CHL1: variants seen among roughly 807,000 people sequenced by gnomAD.
CHL1 encodes cell adhesion molecule L1 like, also known as neural cell adhesion molecule L1-like protein.
In CHL1, 96 loss-of-function variants were observed where a neutral mutation model predicts 141.9. The observed-to-expected ratio is 0.68, with a 90% CI of 0.57 to 0.80. The LOEUF (loss-of-function observed/expected upper bound fraction) is 0.80, where lower values mean the gene tolerates loss of function less well. CHL1 is among the 30% of genes least tolerant of loss of function. The pLI is 0.00. For missense variants in CHL1, 1,820 were observed against 1,457.2 expected (o/e 1.25, Z -4.05); for synonymous variants, 613 against 502.2 (o/e 1.22, Z -2.95).
At chr3:390,641 G>T (rs2125442698) in intron 20 of CHL1, 60 bp from the exon 21 acceptor site, 1 of 1,003,280 alleles carries the variant, frequency 1.0e-6, no homozygotes, top group South Asian at 1.4e-5. Flanking sequence ...TTTTTGAAAA[G>T]GATCCTAACA....
intron 9 of CHL1, among the ~76,000 whole-genome samples, chr3:348,601 G>C (rs1242292988): frequency 6.6e-6 from 1 of 152,152 alleles, no homozygotes; most frequent in African/African-American, 2.4e-5. Flanking sequence ...CCTTACTAAG[G>C]TGGGGAAAGT....
intron 1 of CHL1, among the ~76,000 whole-genome samples, chr3:200,412 T>G (rs1698810464): frequency 6.6e-6 from 1 of 152,186 alleles, no homozygotes; most frequent in Non-Finnish European, 1.5e-5. Context: ...CTGAGGTTGT[T>G]TTCAGTGATG....
chr3:306,790 T>A (rs570699434), intron 2 of CHL1, among the ~76,000 whole-genome samples: 1 of 152,210 alleles, frequency 6.6e-6, no homozygotes, highest in Non-Finnish European at 1.5e-5. Flanking sequence ...ATCTTAATCA[T>A]GCAGCCTTTT....
At chr3:257,420 C>A (rs1380737371) in intron 2 of CHL1, among the ~76,000 whole-genome samples, 1 of 151,446 alleles carries the variant, frequency 6.6e-6, no homozygotes, top group East Asian at 1.9e-4. Context: ...GTGGCACCAC[C>A]TCGGCTCACT....
chr3:371,938 C>A (rs1371372512), intron 15 of CHL1, among the ~76,000 whole-genome samples: 1 of 152,178 alleles, frequency 6.6e-6, no homozygotes, highest in Admixed American at 6.5e-5. Flanking sequence ...TTGGCCTCCA[C>A]TCTCTTCTGG....
intron 5 of CHL1, among the ~76,000 whole-genome samples, chr3:338,087 A>G (rs747477014): frequency 6.6e-6 from 1 of 152,080 alleles, no homozygotes; most frequent in African/African-American, 2.4e-5. Flanking sequence ...GATGGTCTCG[A>G]TCTCCTGACC....
At chr3:379,053 C>T (rs1376780313) in intron 16 of CHL1, among the ~76,000 whole-genome samples, 1 of 152,138 alleles carries the variant, frequency 6.6e-6, no homozygotes, top group Non-Finnish European at 1.5e-5. Context: ...CCTTCTTTAT[C>T]ATATGTCTAC....
intron 2 of CHL1, among the ~76,000 whole-genome samples, chr3:257,815 G>T (rs1694318902): frequency 6.6e-6 from 1 of 152,104 alleles, no homozygotes; most frequent in Non-Finnish European, 1.5e-5. Context: ...AATTTAAATA[G>T]AAAAGTAAGC....
At chr3:329,183 A>G (rs894194630) in intron 5 of CHL1, among the ~76,000 whole-genome samples, 4 of 152,042 alleles carry the variant, frequency 2.6e-5, no homozygotes, top group African/African-American at 9.7e-5. Flanking sequence ...TATATCCACC[A>G]TTACACAATT....
At chr3:301,575 C>A (rs1470987758) in intron 2 of CHL1, among the ~76,000 whole-genome samples, 1 of 152,058 alleles carries the variant, frequency 6.6e-6, no homozygotes, top group Admixed American at 6.6e-5. Context: ...AATTGTGTAG[C>A]TCTTTGTTGA....
intron 1 of CHL1, among the ~76,000 whole-genome samples, chr3:233,887 T>C (rs142348583): frequency 6.6e-6 from 1 of 152,266 alleles, no homozygotes; most frequent in East Asian, 1.9e-4. Flanking sequence ...TTTCCATTGG[T>C]AGTTGGTGAT....
chr3:200,364 T>C (rs1442109908), intron 1 of CHL1, among the ~76,000 whole-genome samples: 2 of 152,150 alleles, frequency 1.3e-5, no homozygotes, highest in African/African-American at 4.8e-5. Flanking sequence ...CTAATTGAAA[T>C]GCAAAGGTAT....
chr3:314,368 T>TA (rs1553562772), intron 2 of CHL1, among the ~76,000 whole-genome samples: 128 of 134,042 alleles, frequency 9.5e-4, no homozygotes, highest in African/African-American at 3.3e-3. Flanking sequence ...TATATATATA[T>TA]ATCTGCTTCA....
At chr3:248,578 T>C (rs888939705) in intron 2 of CHL1, 1 of 152,128 alleles carries the variant, frequency 6.6e-6, no homozygotes, top group African/African-American at 2.4e-5. Context: ...ATCAAGGTAA[T>C]AAATGTATTT....
chr3:298,909 A>T (rs1315143277), intron 2 of CHL1, among the ~76,000 whole-genome samples: 2 of 152,232 alleles, frequency 1.3e-5, no homozygotes, highest in Admixed American at 6.5e-5. Context: ...AACTTGTGTG[A>T]CACAGAACAA....
At chr3:239,878 G>A (rs1275598506) in intron 1 of CHL1, among the ~76,000 whole-genome samples, 2 of 152,024 alleles carry the variant, frequency 1.3e-5, no homozygotes, top group East Asian at 3.9e-4. Context: ...ACTTCACTTA[G>A]AATAATCGTC....
chr3:303,934 AG>A (rs1320351562), intron 2 of CHL1, among the ~76,000 whole-genome samples: 3 of 152,132 alleles, frequency 2.0e-5, no homozygotes, highest in African/African-American at 7.2e-5. Context: ...TTTAGCATGA[AG>A]GGGTGTTATA....
intron 8 of CHL1, 41 bp downstream of exon 8, chr3:343,072 C>T: frequency 2.2e-5 from 32 of 1,483,286 alleles, no homozygotes; most frequent in Non-Finnish European, 2.7e-5. Context: ...TTGTGTATAG[C>T]TCATTGTCAT....
chr3:328,037 T>A, intron 4 of CHL1, 130 bp from the exon 5 acceptor site: 1 of 559,168 alleles, frequency 1.8e-6, no homozygotes, highest in African/African-American at 2.0e-5. Context: ...TATATCCTGT[T>A]ATATTCCATT....
Sources: allele counts gnomAD v4.1 joint callset (sites outside exome capture counted in the v4.1 genomes callset), GRCh38; gene constraint gnomAD v4.1.1; transcripts MANE v1.5; gene names NCBI Gene and HGNC (gene_info 2026-07-23, HGNC 2026-07-21).